Variants in STK32A observed in about 807,000 individuals in gnomAD.
STK32A encodes serine/threonine kinase 32A.
Under a neutral mutation model 53.2 loss-of-function variants are expected in STK32A, and 41 were observed. That is an observed-to-expected ratio of 0.77 (90% confidence interval 0.60 to 1.00). The LOEUF (loss-of-function observed/expected upper bound fraction) is 1.00, where lower values mean the gene tolerates loss of function less well. STK32A is among the 50% of genes least tolerant of loss of function. The pLI, the probability that STK32A is intolerant of heterozygous loss-of-function variation, is 0.00. For missense variants in STK32A, 458 were observed against 485.8 expected (o/e 0.94, Z 0.54); for synonymous variants, 166 against 162.8 (o/e 1.02, Z -0.15).
chr5:147,267,652 A>G (rs1406904257), intron 2 of STK32A, among the ~76,000 whole-genome samples: 1 of 152,206 alleles, frequency 6.6e-6, no homozygotes, highest in East Asian at 1.9e-4. Flanking sequence ...AAGTTCTATC[A>G]TTAATCATTT....
chr5:147,401,596 G>A, the STK32A span: 27 of 1,613,924 alleles, frequency 1.7e-5, no homozygotes, highest in East Asian at 2.9e-4. Flanking sequence ...TCAGGGGTGG[G>A]GATGTCACAA....
At chr5:147,389,785 C>T (rs895359437), downstream of STK32A, among the ~76,000 whole-genome samples, 16 of 152,176 alleles carry the variant, frequency 1.1e-4, no homozygotes, top group Admixed American at 7.9e-4. Flanking sequence ...ACAGGAGAAT[C>T]GCTTCAACCC....
chr5:147,383,454 A>G lies in STK32A; in HGVS notation c.1046A>G (p.Gln349Arg), dbSNP rs771441018. The change falls in exon 12 of 13, where the codon CAA becomes CGA. Residue 349 changes from glutamine to arginine, a missense_variant. Physicochemically the swap from Gln to Arg is conservative, Grantham distance 43. Coordinates refer to ENST00000397936, the MANE Select transcript of STK32A (RefSeq NM_001112724.2). ...TTCACCTGGAAGACATGTCTTCTTC[A>G]AGAGCACCTTGACTCTGTCCAGAAG... is the stretch of plus-strand genomic sequence containing the variant. ...KCDSSQTCLL[Q>R]EHLDSVQKEF... The G allele has an allele frequency of 1.9e-6, 3 of 1,598,184 alleles. No individual in the cohort carries two copies. The highest frequency in any genetic ancestry group is 1.7e-5 in the Admixed American group (1 of 58,148).
At chr5:147,270,901 A>T (rs1754998845) in intron 2 of STK32A, among the ~76,000 whole-genome samples, 1 of 152,218 alleles carries the variant, frequency 6.6e-6, no homozygotes. Flanking sequence ...GAAAATTAAC[A>T]TATTCTTTGC....
chr5:147,341,374 G>T (rs1231626766), intron 5 of STK32A, among the ~76,000 whole-genome samples: 1 of 152,194 alleles, frequency 6.6e-6, no homozygotes, highest in African/African-American at 2.4e-5. Flanking sequence ...TTCTCTGGGT[G>T]TCATTAAGTT....
chr5:147,325,671 A>T (rs1265669120), intron 5 of STK32A, among the ~76,000 whole-genome samples: 1 of 152,146 alleles, frequency 6.6e-6, no homozygotes, highest in African/African-American at 2.4e-5. Flanking sequence ...AAAGCAGACC[A>T]GTTAATTACG....
At chr5:147,259,642 C>T (rs13176837) in intron 2 of STK32A, among the ~76,000 whole-genome samples, 13,555 of 152,162 alleles carry the variant, frequency 0.089, 781 homozygotes, top group Middle Eastern at 0.18. Flanking sequence ...GTGCTGCACC[C>T]ATTAACTAAG....
intron 2 of STK32A, among the ~76,000 whole-genome samples, chr5:147,260,848 C>T (rs1426649457): frequency 6.6e-6 from 1 of 152,202 alleles, no homozygotes; most frequent in Admixed American, 6.5e-5. Flanking sequence ...ATGTCACCAT[C>T]CACACAAACA....
chr5:147,337,264 T>C (rs17548011), intron 5 of STK32A, among the ~76,000 whole-genome samples: 24,011 of 152,172 alleles, frequency 0.16, 1,981 homozygotes, highest in Middle Eastern at 0.21. Flanking sequence ...TTCCAAAGTA[T>C]GCATCCTAGA....
intron 6 of STK32A, among the ~76,000 whole-genome samples, chr5:147,344,826 T>C: frequency 6.6e-6 from 1 of 152,192 alleles, no homozygotes; most frequent in Non-Finnish European, 1.5e-5. Flanking sequence ...AGGCCTTAAA[T>C]GAAGGCATAT....
At position 147,317,323 on chromosome 5, in the gene STK32A, C is replaced by CTTTTTTTTTTTTTTTTTTTT. The variant is rs3064294; in HGVS notation, c.261-6570_261-6551dup. 1.8e-3 allele frequency among the ~76,000 whole-genome samples: 144 copies of CTTTTTTTTTTTTTTTTTTTT among 81,306 alleles called. 1 individual carries two copies. Among genetic ancestry groups the CTTTTTTTTTTTTTTTTTTTT allele is most frequent in the Non-Finnish European group, 2.0e-3 (94 of 47,004 alleles). 53.3% of individuals were successfully genotyped at this position (81,306 alleles called of 152,430 possible). ...TTAGGGTCTTTTTTTCTTTTTCTTT[C>CTTTTTTTTTTTTTTTTTTTT]TTTTTTTTTTTTTTTTTTTTTTTTG... On this transcript the variant is annotated intron_variant, in intron 4 of 12. Coordinates refer to ENST00000397936, the MANE Select transcript of STK32A (RefSeq NM_001112724.2).
At chr5:147,361,416 T>C in intron 7 of STK32A, 101 bp from the exon 8 acceptor site, 1 of 803,800 alleles carries the variant, frequency 1.2e-6, no homozygotes, top group Non-Finnish European at 2.1e-6. Context: ...AAAGTGTTTA[T>C]ATTTTTGATC....
chr5:147,289,777 A>T (rs1287917891), intron 4 of STK32A, among the ~76,000 whole-genome samples: 4 of 152,108 alleles, frequency 2.6e-5, no homozygotes, highest in African/African-American at 9.7e-5. Flanking sequence ...TGTAACAATC[A>T]CTTCTAACAT....
At chr5:147,292,311 G>A (rs1305077174) in intron 4 of STK32A, among the ~76,000 whole-genome samples, 1 of 152,176 alleles carries the variant, frequency 6.6e-6, no homozygotes, top group African/African-American at 2.4e-5. Flanking sequence ...AATGACCAGT[G>A]TCTCCAACTG....
chr5:147,278,273 C>A (rs1355435197), intron 3 of STK32A, 94 bp downstream of exon 3: 1 of 1,023,598 alleles, frequency 9.8e-7, no homozygotes, highest in Non-Finnish European at 1.4e-6. Context: ...GTTGCTGGGA[C>A]CGCAAGGAAA....
intron 11 of STK32A, among the ~76,000 whole-genome samples, chr5:147,379,751 G>A (rs1161248132): frequency 1.3e-5 from 2 of 152,084 alleles, no homozygotes; most frequent in African/African-American, 2.4e-5. Flanking sequence ...ATTTCCACCT[G>A]CTCTAACCCC....
chr5:147,361,345 T>C (rs776962072), intron 7 of STK32A, among the ~76,000 whole-genome samples, 172 bp from the exon 8 acceptor site: 3 of 152,216 alleles, frequency 2.0e-5, no homozygotes, highest in Non-Finnish European at 4.4e-5. Flanking sequence ...TGAGAGAGAT[T>C]AGAAAATTAG....
chr5:147,342,750 G>A (rs1221564189), intron 5 of STK32A: 2 of 453,420 alleles, frequency 4.4e-6, no homozygotes, highest in East Asian at 3.4e-5. Context: ...GTTTTTGAAT[G>A]AGAGAGGCCT....
At position 147,325,039 on chromosome 5, in the gene STK32A, G is replaced by A. The variant is rs72831374; in HGVS notation, c.434+968G>A. ...CAAGGACAAACAGCTAACAAATAGC[G>A]TAGCCAGGATTTAAACCTAGATCTC... On this transcript the variant is annotated intron_variant, in intron 5 of 12. Transcript: ENST00000397936. Among the ~76,000 whole-genome samples the A allele has an allele frequency of 0.016, 2,407 of 152,198 alleles. 106 individuals are homozygous for A. In the East Asian group the frequency reaches 0.18, roughly 12 times the overall value.
Sources: gnomAD v4.1 joint callset for allele counts (sites outside exome capture counted in the v4.1 genomes callset) on GRCh38, gnomAD v4.1.1 for gene constraint, MANE v1.5 for transcripts, NCBI Gene and HGNC (gene_info 2026-07-23, HGNC 2026-07-21) for gene names.